The following IL4I1 variants were observed in gnomAD, a reference collection of about 807,000 sequenced individuals.
IL4I1 encodes interleukin 4 induced 1.
IL4I1 carries 24 observed loss-of-function variants against 29.7 expected under a neutral mutation model. That is an observed-to-expected ratio of 0.81 (90% CI 0.59 to 1.14). The LOEUF (loss-of-function observed/expected upper bound fraction) is 1.14, where lower values mean the gene tolerates loss of function less well. IL4I1 is among the 50% of genes most tolerant of loss of function. The pLI is 0.00. For missense variants in IL4I1, 686 were observed against 785.6 expected, an observed-to-expected ratio of 0.87 and a Z score of 1.52; for synonymous variants, 371 against 352.5, an observed-to-expected ratio of 1.05 and a Z score of -0.59.
At chr19:49,915,888 G>T (rs2075611674) in intron 2 of IL4I1, among the ~76,000 whole-genome samples, 1 of 152,224 alleles carries the variant, frequency 6.6e-6, no homozygotes, top group East Asian at 1.9e-4. Flanking sequence ...GAAGGACAAG[G>T]TTGCCTCCGA....
In IL4I1 at chr19:49,895,974, G is replaced by A. The variant is rs757843075; in HGVS notation, c.93C>T (p.Asp31=). 9 of 1,614,108 alleles carry A rather than the reference G, an allele frequency of 5.6e-6. No homozygotes were observed. The Admixed American group carries it at 8.3e-5, about 15-fold the overall frequency. Residue 31 remains aspartate (D), a synonymous_variant, in exon 3 of 8, where the codon GAC becomes GAT. Coordinates refer to ENST00000391826, the MANE Select transcript of IL4I1 (RefSeq NM_152899.2). ...SQDWKAERSQ[D]PFEKCMQDPD... ...GATCCTGCATGCATTTCTCGAAGGG[G>A]TCTTGGCTGCGTTCAGCCTTCCAGT...
chr19:49,924,037 C>T (rs10404609), intron 2 of IL4I1, among the ~76,000 whole-genome samples: 1 of 152,150 alleles, frequency 6.6e-6, no homozygotes, highest in African/African-American at 2.4e-5. Context: ...AATAGCAGGG[C>T]GATGGCACGG....
chr19:49,893,360 A>C (rs992462726), intron 5 of IL4I1, among the ~76,000 whole-genome samples: 2 of 124,368 alleles, frequency 1.6e-5, no homozygotes, highest in Admixed American at 1.7e-4. Flanking sequence ...GTCAGGCGGC[A>C]GGGGTGGGCA....
At chr19:49,907,287 C>T (rs2075342541) in intron 2 of IL4I1, 1 of 297,978 alleles carries the variant, frequency 3.4e-6, no homozygotes, top group Non-Finnish European at 6.5e-6. Context: ...GCTGGGAAGG[C>T]TTCCTGGAGG....
intron 2 of IL4I1, among the ~76,000 whole-genome samples, chr19:49,920,522 A>C (rs939541853): frequency 1.3e-5 from 2 of 152,218 alleles, no homozygotes; most frequent in Admixed American, 6.5e-5. Flanking sequence ...AAAGCCACTC[A>C]ACCAACCAAC....
upstream of IL4I1, among the ~76,000 whole-genome samples, chr19:49,899,335 C>A (rs1020590236): frequency 2.6e-5 from 4 of 152,100 alleles, no homozygotes; most frequent in African/African-American, 2.4e-5. Flanking sequence ...GCACAAAACT[C>A]CTCTGGCCCC....
upstream of IL4I1, among the ~76,000 whole-genome samples, chr19:49,898,870 AAAACAAAC>A (rs773012323): frequency 6.6e-6 from 1 of 152,158 alleles, no homozygotes; most frequent in Admixed American, 6.5e-5. Flanking sequence ...CTCCGTCTCA[AAAACAAAC>A]AAACAAACAA....
chr19:49,889,874 G>A lies in IL4I1; in HGVS notation c.1500C>T (p.Ala500=), dbSNP rs1251927156. The A allele has an allele frequency of 6.3e-7, 1 of 1,599,072 alleles. No individual in the cohort carries two copies. Among genetic ancestry groups the A allele is most frequent in the Non-Finnish European group, 8.5e-7 (1 of 1,172,716 alleles). Residue 500 remains alanine, a synonymous_variant, in exon 8 of 8, where the codon GCC becomes GCT. Transcript: ENST00000391826. ...VETAVKSALR[A]AIKINSRKGP... is the part of the protein sequence containing the mutation. ...CCTTCCGGCTGTTGATCTTGATGGC[G>A]GCGCGCAGCGCCGACTTGACCGCCG... is the stretch of plus-strand genomic sequence containing the variant.
At chr19:49,909,628 G>C (rs1374964672) in intron 2 of IL4I1, 1 of 1,614,226 alleles carries the variant, frequency 6.2e-7, no homozygotes, top group South Asian at 1.1e-5. Flanking sequence ...TGGCAAGTGA[G>C]AACAGGCCGG....
intron 2 of IL4I1, chr19:49,907,542 T>C (rs61338594): frequency 2.2e-4 from 71 of 329,274 alleles, no homozygotes; most frequent in African/African-American, 1.1e-3. Flanking sequence ...AGTTTCTTTT[T>C]TTTTTTTTTT....
At chr19:49,896,088 G>A (rs1023589491) in intron 2 of IL4I1, 35 bp from the exon 3 acceptor site, 2 of 1,601,200 alleles carry the variant, frequency 1.2e-6, no homozygotes, top group Admixed American at 3.5e-5. Context: ...CGGGGTTGTG[G>A]CAGGTCGGGG....
At position 49,890,519 on chromosome 19, in the gene IL4I1, C is replaced by T. The variant is rs1337331097; in HGVS notation, c.855G>A (p.Ala285=). ...GTCCCTGGGTCATCGCCACCACGGG[C>T]GCGTTCAACAGCACAAGCCCGGACA... ...SSLSGLVLLN[A]PVVAMTQGPH... is the part of the protein sequence containing the mutation. The change falls in exon 8 of 8, where the codon GCG becomes GCA. Residue 285 remains alanine, a synonymous_variant. Transcript: ENST00000391826. 1 of 1,609,770 alleles carries T rather than the reference C, an allele frequency of 6.2e-7. No individual in the cohort carries two copies. Among genetic ancestry groups the T allele is most frequent in the Admixed American group, 1.7e-5 (1 of 59,958 alleles).
intron 2 of IL4I1, among the ~76,000 whole-genome samples, chr19:49,918,279 G>C (rs1273357407): frequency 2.0e-5 from 3 of 152,068 alleles, no homozygotes; most frequent in Non-Finnish European, 2.9e-5. Context: ...TGCCCAGGCT[G>C]GTCTCCAACT....
rs560360401 is a variant in IL4I1, at chr19:49,919,190, AT to A, written c.-228+8503del. On this transcript the variant is annotated intron_variant, in intron 2 of 9. Coordinates refer to the IL4I1 transcript ENST00000341114. ...CTAACTCATTTTGTGAATAGGTAGT[AT>A]GTTCACATTGTTGTAGCTCAAAAGG... 1.1e-4 allele frequency among the ~76,000 whole-genome samples: 16 copies of A among 152,326 alleles called. No individual in the cohort carries two copies. The South Asian group carries it at 3.3e-3, about 32-fold the overall frequency.
At position 49,921,689 on chromosome 19, in the gene IL4I1, G is replaced by A. The variant is rs1454651632; in HGVS notation, c.-228+6005C>T. Among the ~76,000 whole-genome samples the A allele has an allele frequency of 6.6e-6, 1 of 152,186 alleles. No individual in the cohort carries two copies. Among genetic ancestry groups the A allele is most frequent in the Non-Finnish European group, 1.5e-5 (1 of 68,024 alleles). On this transcript the variant is annotated intron_variant, in intron 2 of 9. Coordinates refer to the IL4I1 transcript ENST00000341114. This position sits in a 1 kb window ranked among gnomAD's most constrained non-coding sequence, Gnocchi z 5.4. ...GGGGGGTACCCCTCTGCCCATTGAG[G>A]GGGCACCTAGGGAGCCTAGGGGTCC...
rs1054689199 is a variant in IL4I1, at chr19:49,921,533, G to A, written c.-228+6161C>T. On this transcript the variant is annotated intron_variant, in intron 2 of 9. Coordinates refer to the IL4I1 transcript ENST00000341114. This position sits in a 1 kb window ranked among gnomAD's most constrained non-coding sequence, Gnocchi z 5.4. ...CTGAGACGCCTGCAGGGAAGAGAGG[G>A]GCGTCCGCTGCTCGCCAACCCCCAT... Among the ~76,000 whole-genome samples the A allele has an allele frequency of 6.6e-6, 1 of 152,176 alleles. No homozygotes were observed. Among genetic ancestry groups the A allele is most frequent in the African/African-American group, 2.4e-5 (1 of 41,432 alleles).
chr19:49,913,534 C>T (rs979602241), intron 2 of IL4I1, among the ~76,000 whole-genome samples: 6 of 152,158 alleles, frequency 3.9e-5, no homozygotes, highest in South Asian at 2.1e-4. Flanking sequence ...CAACCCGGGC[C>T]GCCACTGCTC....
At chr19:49,891,213 A>G in intron 6 of IL4I1, 106 bp from the exon 7 acceptor site, 1 of 1,501,624 alleles carries the variant, frequency 6.7e-7, no homozygotes, top group Non-Finnish European at 9.1e-7. Flanking sequence ...CTTGGACCGT[A>G]GGATCCTGTC....
chr19:49,907,558 T>G (rs2075351085), intron 2 of IL4I1: 1 of 324,546 alleles, frequency 3.1e-6, no homozygotes, highest in Non-Finnish European at 5.9e-6. Context: ...TTTTTTTTTT[T>G]GAGACAGAGT....
Sources: gnomAD v4.1 joint callset for allele counts (sites outside exome capture counted in the v4.1 genomes callset) on GRCh38, gnomAD v4.1.1 for gene constraint, Gnocchi (gnomAD v3.1) non-coding constraint, MANE v1.5 for transcripts, NCBI Gene and HGNC (gene_info 2026-07-23, HGNC 2026-07-21) for gene names.